LYRM4: variants seen among roughly 807,000 people sequenced by gnomAD.
The protein encoded by LYRM4 is LYR motif containing 4.
Under a neutral mutation model 11.7 loss-of-function variants are expected in LYRM4, and 9 were observed. The observed-to-expected ratio is 0.77, with a 90% CI of 0.46 to 1.34. The LOEUF (loss-of-function observed/expected upper bound fraction) is 1.34, where lower values mean the gene tolerates loss of function less well. LYRM4 is among the 40% of genes most tolerant of loss of function. The pLI, the probability that LYRM4 is intolerant of heterozygous loss-of-function variation, is 0.00. For synonymous variants in LYRM4, 42 were observed against 40.4 expected (o/e 1.04, Z -0.15); for missense variants, 133 against 112.5 (o/e 1.18, Z -0.82).
intron 1 of LYRM4, among the ~76,000 whole-genome samples, chr6:5,240,935 T>G (rs1763840389): frequency 1.3e-5 from 2 of 152,018 alleles, no homozygotes; most frequent in African/African-American, 4.8e-5. Flanking sequence ...CAAAAGGAGG[T>G]GGAAGCAGGG....
chr6:5,142,455 C>T (rs1757459910), intron 2 of LYRM4, among the ~76,000 whole-genome samples: 1 of 152,262 alleles, frequency 6.6e-6, no homozygotes, highest in Admixed American at 6.5e-5. Context: ...AACACAAGCC[C>T]CCCTCGCCAT....
At chr6:5,057,834 T>C in the LYRM4 span, among the ~76,000 whole-genome samples, 2 of 151,538 alleles carry the variant, frequency 1.3e-5, no homozygotes, top group East Asian at 2.0e-4. Context: ...CAATCATAGC[T>C]CACTGCAGCC....
At chr6:5,074,232 C>T in the LYRM4 span, among the ~76,000 whole-genome samples, 1 of 152,012 alleles carries the variant, frequency 6.6e-6, no homozygotes, top group Non-Finnish European at 1.5e-5. Flanking sequence ...GAAAAGAGGT[C>T]GAAGGGCACT....
chr6:5,095,729 G>A, the LYRM4 span, among the ~76,000 whole-genome samples: 1 of 152,188 alleles, frequency 6.6e-6, no homozygotes, highest in South Asian at 2.1e-4. Flanking sequence ...TATAATCCCA[G>A]CACTTTGGAA....
At chr6:5,165,943 C>A (rs183316746) in intron 2 of LYRM4, among the ~76,000 whole-genome samples, 1 of 152,018 alleles carries the variant, frequency 6.6e-6, no homozygotes, top group South Asian at 2.1e-4. Flanking sequence ...AATGAAACTA[C>A]GAATTATGGA....
the LYRM4 span, chr6:5,086,280 T>A: frequency 6.5e-7 from 1 of 1,535,446 alleles, no homozygotes; most frequent in South Asian, 1.2e-5. Context: ...ACGTGCCGGC[T>A]GAGCTGCAGC....
chr6:5,239,864 C>A (rs1175503686), intron 1 of LYRM4, among the ~76,000 whole-genome samples: 3 of 152,100 alleles, frequency 2.0e-5, no homozygotes, highest in African/African-American at 7.2e-5. Flanking sequence ...TGAGCATAGG[C>A]CCTTAAAAAC....
intron 2 of LYRM4, among the ~76,000 whole-genome samples, chr6:5,172,397 C>CT (rs1369874094): frequency 6.6e-5 from 10 of 152,312 alleles, no homozygotes; most frequent in Non-Finnish European, 1.5e-4. Flanking sequence ...AGAGGAAGCT[C>CT]TGGACTGTCC....
At chr6:5,086,776 TC>T in the LYRM4 span, 1 of 578,500 alleles carries the variant, frequency 1.7e-6, no homozygotes, top group Non-Finnish European at 3.0e-6. Flanking sequence ...TCCGAAAGCC[TC>T]TGACCTCAGT....
downstream of LYRM4, among the ~76,000 whole-genome samples, chr6:5,101,968 C>CAT (rs556454653): frequency 1.5e-5 from 1 of 67,988 alleles, no homozygotes; most frequent in African/African-American, 4.6e-5. Context: ...CTAATGCTTT[C>CAT]TTTTTTTTTT....
At chr6:5,077,478 G>T in the LYRM4 span, among the ~76,000 whole-genome samples, 2 of 152,118 alleles carry the variant, frequency 1.3e-5, no homozygotes, top group African/African-American at 2.4e-5. Context: ...ACTCCCAGTG[G>T]TTTTTTCTGT....
chr6:5,216,487 G>C, intron 2 of LYRM4, 131 bp downstream of exon 2: 4 of 1,036,874 alleles, frequency 3.9e-6, no homozygotes, highest in Non-Finnish European at 5.8e-6. Flanking sequence ...GTCTGTATTA[G>C]TACAAGGAAC....
At chr6:5,194,602 G>A (rs1760947495) in intron 2 of LYRM4, among the ~76,000 whole-genome samples, 2 of 152,224 alleles carry the variant, frequency 1.3e-5, no homozygotes, top group African/African-American at 4.8e-5. Flanking sequence ...AAAACATCAA[G>A]TATTTCATGA....
At chr6:5,139,576 T>G (rs1007588780) in intron 2 of LYRM4, among the ~76,000 whole-genome samples, 1 of 152,208 alleles carries the variant, frequency 6.6e-6, no homozygotes, top group Admixed American at 6.5e-5. Context: ...TTACATATTT[T>G]AAAGGTTTCT....
At chr6:5,148,625 A>G (rs1184763941) in intron 2 of LYRM4, among the ~76,000 whole-genome samples, 2 of 150,922 alleles carry the variant, frequency 1.3e-5, no homozygotes, top group Non-Finnish European at 2.9e-5. Flanking sequence ...GAAAGAATTC[A>G]TATTAGGTGA....
intron 2 of LYRM4, chr6:5,186,982 T>TA: frequency 1.3e-6 from 1 of 762,900 alleles, no homozygotes; most frequent in Non-Finnish European, 1.6e-6. Flanking sequence ...AGAGTCCATC[T>TA]TAAAAAAAAA....
chr6:5,101,968 C>CTTTTTTTCTTTTTTTTTTTTTTTTTTTTT (rs1762514469), downstream of LYRM4, among the ~76,000 whole-genome samples: 1 of 67,988 alleles, frequency 1.5e-5, no homozygotes, highest in Non-Finnish European at 3.0e-5. Context: ...CTAATGCTTT[C>CTTTTTTTCTTTTTTTTTTTTTTTTTTTTT]TTTTTTTTTT....
At chr6:5,086,471 T>C in the LYRM4 span, 1 of 1,537,248 alleles carries the variant, frequency 6.5e-7, no homozygotes, top group East Asian at 2.4e-5. Context: ...CACTTCGCTG[T>C]CTGCTACCGC....
the LYRM4 span, among the ~76,000 whole-genome samples, chr6:5,037,636 G>C: frequency 1.6e-5 from 1 of 61,252 alleles, no homozygotes; most frequent in Non-Finnish European, 4.0e-5. Context: ...GCCGGGCGGG[G>C]GGCTGATCCC....
Sources: gnomAD v4.1 joint callset for allele counts (sites outside exome capture counted in the v4.1 genomes callset) on GRCh38, gnomAD v4.1.1 for gene constraint, MANE v1.5 for transcripts, NCBI Gene and HGNC (gene_info 2026-07-23, HGNC 2026-07-21) for gene names.